GPHN: variants seen among roughly 807,000 people sequenced by gnomAD.
The protein encoded by GPHN is gephyrin.
GPHN carries 17 observed loss-of-function variants against 95.5 expected under a neutral mutation model. That is an observed-to-expected ratio of 0.18 (90% CI 0.12 to 0.27). The LOEUF is 0.27. Ranked by LOEUF, GPHN falls within the 10% of genes least tolerant of loss-of-function variation. The pLI, the probability that GPHN is intolerant of heterozygous loss-of-function variation, is 1.00. For missense variants in GPHN, 660 were observed against 978.1 expected, an observed-to-expected ratio of 0.67 and a Z score of 4.34; for synonymous variants, 320 against 322.5, an observed-to-expected ratio of 0.99 and a Z score of 0.08.
intron 9 of GPHN, among the ~76,000 whole-genome samples, chr14:66,998,236 C>T (rs2071950473): frequency 6.6e-6 from 1 of 152,012 alleles, no homozygotes; most frequent in South Asian, 2.1e-4. Context: ...GACACATGGG[C>T]TTTCTTTATT....
At chr14:67,645,904 AT>A in the GPHN span, 1 of 1,315,238 alleles carries the variant, frequency 7.6e-7, no homozygotes, top group Non-Finnish European at 1.1e-6. Flanking sequence ...TTGAGTGTGG[AT>A]TACCACTCCT....
chr14:67,263,506 C>T, the GPHN span, among the ~76,000 whole-genome samples: 12 of 152,130 alleles, frequency 7.9e-5, no homozygotes, highest in Non-Finnish European at 1.6e-4. Flanking sequence ...AGGTACCCTT[C>T]GAAACACTGA....
At chr14:66,551,885 C>G (rs368982032) in intron 1 of GPHN, among the ~76,000 whole-genome samples, 30 of 152,248 alleles carry the variant, frequency 2.0e-4, no homozygotes, top group African/African-American at 6.7e-4. Context: ...GATTCAATCA[C>G]CTCCCACCAG....
At chr14:66,720,139 G>A (rs1038925594) in intron 2 of GPHN, among the ~76,000 whole-genome samples, 4 of 152,012 alleles carry the variant, frequency 2.6e-5, no homozygotes, top group Admixed American at 1.3e-4. Flanking sequence ...TATGAATACT[G>A]TAGTATCAGG....
the GPHN span, chr14:67,650,814 C>T: frequency 6.2e-7 from 1 of 1,614,190 alleles, no homozygotes. Flanking sequence ...GATGTGATTG[C>T]TTCAAGCTTT....
chr14:66,807,457 T>TG (rs1423956362), intron 3 of GPHN, among the ~76,000 whole-genome samples: 3 of 152,350 alleles, frequency 2.0e-5, no homozygotes, highest in African/African-American at 7.2e-5. Flanking sequence ...ACCTACAGTC[T>TG]GGGTTCTTCT....
intron 2 of GPHN, among the ~76,000 whole-genome samples, chr14:66,768,153 A>C (rs954544935): frequency 1.3e-5 from 2 of 151,910 alleles, no homozygotes; most frequent in African/African-American, 4.8e-5. Context: ...GATAAAACTG[A>C]GTAATGATCT....
intron 1 of GPHN, among the ~76,000 whole-genome samples, chr14:66,569,700 T>A (rs2060601970): frequency 6.7e-6 from 1 of 148,176 alleles, no homozygotes; most frequent in Non-Finnish European, 1.5e-5. Context: ...CAAAATTGTG[T>A]ATATTTATGG....
chr14:67,353,501 T>C, the GPHN span, among the ~76,000 whole-genome samples: 2 of 152,042 alleles, frequency 1.3e-5, no homozygotes, highest in African/African-American at 2.4e-5. Context: ...GTTGTTGTTG[T>C]TTTTGAGATG....
intron 2 of GPHN, among the ~76,000 whole-genome samples, chr14:66,699,017 G>A (rs538736156): frequency 5.1e-4 from 77 of 151,938 alleles, no homozygotes; most frequent in Middle Eastern, 3.4e-3. Flanking sequence ...TGACCTGAGT[G>A]AGAATATTAG....
At chr14:66,878,978 CTAGA>C (rs2063798791) in intron 4 of GPHN, among the ~76,000 whole-genome samples, 1 of 152,022 alleles carries the variant, frequency 6.6e-6, no homozygotes, top group African/African-American at 2.4e-5. Flanking sequence ...CAGTTATAGA[CTAGA>C]TAAAGAAAAT....
intron 11 of GPHN, among the ~76,000 whole-genome samples, chr14:67,082,081 G>A (rs1388048980): frequency 1.3e-5 from 2 of 152,052 alleles, no homozygotes; most frequent in Non-Finnish European, 2.9e-5. Context: ...GGCTGTGTGG[G>A]CTCCTTTTTT....
chr14:67,098,584 C>T (rs1419507012), intron 12 of GPHN, among the ~76,000 whole-genome samples: 2 of 151,878 alleles, frequency 1.3e-5, no homozygotes, highest in East Asian at 1.9e-4. Context: ...CCGAGGCAGG[C>T]GGATCACCTG....
At chr14:66,833,946 A>C (rs905743029) in intron 4 of GPHN, among the ~76,000 whole-genome samples, 1 of 152,188 alleles carries the variant, frequency 6.6e-6, no homozygotes, top group African/African-American at 2.4e-5. Context: ...TGAAGAGAAC[A>C]AAGACCTTCA....
intron 5 of GPHN, among the ~76,000 whole-genome samples, chr14:66,894,773 G>A (rs1302392605): frequency 1.3e-5 from 2 of 152,118 alleles, no homozygotes; most frequent in Non-Finnish European, 2.9e-5. Flanking sequence ...GTCATCACTG[G>A]CCATCAGAGA....
chr14:66,680,535 A>C (rs773733766), intron 1 of GPHN, among the ~76,000 whole-genome samples: 2 of 152,188 alleles, frequency 1.3e-5, no homozygotes, highest in Admixed American at 1.3e-4. Flanking sequence ...CCAGTTTTTC[A>C]TGCCAGCTTA....
At chr14:66,549,870 C>G (rs2059749728) in intron 1 of GPHN, among the ~76,000 whole-genome samples, 1 of 152,138 alleles carries the variant, frequency 6.6e-6, no homozygotes, top group African/African-American at 2.4e-5. Context: ...ATAAAGGGAA[C>G]AACAAAGCCT....
At chr14:66,915,252 A>G (rs995173032) in intron 5 of GPHN, among the ~76,000 whole-genome samples, 6 of 152,182 alleles carry the variant, frequency 3.9e-5, no homozygotes, top group Admixed American at 6.6e-5. Flanking sequence ...TAAAAATAGC[A>G]TAATCTCTTT....
chr14:66,850,517 A>G (rs1383992806), intron 4 of GPHN, among the ~76,000 whole-genome samples: 1 of 152,142 alleles, frequency 6.6e-6, no homozygotes, highest in Non-Finnish European at 1.5e-5. Context: ...TTGTATTTTT[A>G]CATGGAAACT....
Sources: gnomAD v4.1 joint callset for allele counts (sites outside exome capture counted in the v4.1 genomes callset) on GRCh38, gnomAD v4.1.1 for gene constraint, MANE v1.5 for transcripts, NCBI Gene and HGNC (gene_info 2026-07-23, HGNC 2026-07-21) for gene names.